Variants in NCKAP5 observed in about 807,000 individuals in gnomAD.
The protein encoded by NCKAP5 is NCK associated protein 5, also known as nck-associated protein 5.
NCKAP5 carries 92 observed loss-of-function variants against 167.0 expected under a neutral mutation model. The ratio of observed to expected loss-of-function variants is 0.55; its 90% CI spans 0.47 to 0.66. The LOEUF (loss-of-function observed/expected upper bound fraction) is 0.66. NCKAP5 is among the 30% of genes least tolerant of loss of function. The pLI is 0.00. For missense variants in NCKAP5, 2,378 were observed against 2,315.0 expected, an observed-to-expected ratio of 1.03 and a Z score of -0.56; for synonymous variants, 891 against 877.4, an observed-to-expected ratio of 1.02 and a Z score of -0.27.
intron 4 of NCKAP5, among the ~76,000 whole-genome samples, 193 bp downstream of exon 4, chr2:133,302,836 CAAGCAAGG>C (rs1393632016): frequency 3.3e-5 from 5 of 151,364 alleles, no homozygotes; most frequent in Non-Finnish European, 7.4e-5. Flanking sequence ...AATCTTGAAG[CAAGCAAGG>C]ATCAAATAAT....
intron 11 of NCKAP5, among the ~76,000 whole-genome samples, chr2:132,851,216 A>G (rs6712172): frequency 0.047 from 7,122 of 152,166 alleles, 372 homozygotes; most frequent in African/African-American, 0.12. Flanking sequence ...ACAAAAGTGC[A>G]CTATCATCTC....
At chr2:133,336,712 A>T (rs1559394770) in intron 3 of NCKAP5, among the ~76,000 whole-genome samples, 1 of 152,196 alleles carries the variant, frequency 6.6e-6, no homozygotes, top group Admixed American at 6.5e-5. Flanking sequence ...GAAAATGGGA[A>T]ATTTTGAATA....
rs575647510 is a variant in NCKAP5, at chr2:132,773,493, C to T, written c.5128+323G>A. 9.2e-5 allele frequency among the ~76,000 whole-genome samples: 14 copies of T among 152,330 alleles called. No individual in the cohort carries two copies. In the South Asian group the frequency reaches 1.7e-3, roughly 18 times the overall value. ...AATATTTCATTTAAGAAAGCCACCA[C>T]CTACACTTCTAACCACTAGGTGTTC... On this transcript the variant is annotated intron_variant, in intron 16 of 19. Coordinates refer to ENST00000409261, the MANE Select transcript of NCKAP5 (RefSeq NM_207363.3).
chr2:133,502,888 G>A (rs78015341), intron 3 of NCKAP5, among the ~76,000 whole-genome samples: 9,962 of 152,242 alleles, frequency 0.065, 365 homozygotes, highest in South Asian at 0.16. Context: ...GGAGTGAGGT[G>A]GCTCCCTGCA....
At chr2:133,198,759 G>T (rs1420803100) in intron 5 of NCKAP5, among the ~76,000 whole-genome samples, 41 of 152,090 alleles carry the variant, frequency 2.7e-4, no homozygotes, top group Non-Finnish European at 4.4e-5. Flanking sequence ...GTCACTGGAG[G>T]TAGTGTGAGG....
At chr2:133,494,239 A>G (rs1248752223) in intron 3 of NCKAP5, among the ~76,000 whole-genome samples, 1 of 152,212 alleles carries the variant, frequency 6.6e-6, no homozygotes, top group African/African-American at 2.4e-5. Flanking sequence ...GCCAAAAACC[A>G]TACAGGCTTA....
At chr2:133,590,664 G>A in the NCKAP5 span, among the ~76,000 whole-genome samples, 1 of 152,130 alleles carries the variant, frequency 6.6e-6, no homozygotes, top group East Asian at 1.9e-4. Context: ...GTTACTCACG[G>A]GTGAATTCTC....
chr2:133,432,370 C>G (rs1372357940), intron 3 of NCKAP5, among the ~76,000 whole-genome samples: 1 of 152,158 alleles, frequency 6.6e-6, no homozygotes, highest in Non-Finnish European at 1.5e-5. Flanking sequence ...CAAAAAGACT[C>G]AGTTGAGTTT....
At chr2:132,924,604 A>G (rs896029265) in intron 8 of NCKAP5, among the ~76,000 whole-genome samples, 1 of 152,214 alleles carries the variant, frequency 6.6e-6, no homozygotes, top group Non-Finnish European at 1.5e-5. Flanking sequence ...AAACAGGCAT[A>G]ATTGGTGCAA....
At chr2:133,584,578 A>G in the NCKAP5 span, among the ~76,000 whole-genome samples, 3 of 152,270 alleles carry the variant, frequency 2.0e-5, no homozygotes, top group South Asian at 6.2e-4. Context: ...CAGCCTGGCC[A>G]ACATGGTCAG....
chr2:133,160,665 A>T (rs890064925), intron 5 of NCKAP5, among the ~76,000 whole-genome samples: 3 of 152,096 alleles, frequency 2.0e-5, no homozygotes, highest in African/African-American at 7.2e-5. Context: ...CTCTTCAGCC[A>T]GTAATTTACC....
intron 2 of NCKAP5, among the ~76,000 whole-genome samples, chr2:133,531,084 G>T (rs1039667904): frequency 6.6e-6 from 1 of 151,754 alleles, no homozygotes; most frequent in Non-Finnish European, 1.5e-5. Flanking sequence ...AATTAATTTG[G>T]GTCACTGTGT....
chr2:132,927,953 T>C (rs1696043104), intron 8 of NCKAP5, among the ~76,000 whole-genome samples: 1 of 152,202 alleles, frequency 6.6e-6, no homozygotes, highest in East Asian at 1.9e-4. Flanking sequence ...TGTTGACTCA[T>C]AATTGTTTTC....
chr2:133,394,491 C>T (rs1033949280), intron 3 of NCKAP5, among the ~76,000 whole-genome samples: 3 of 152,156 alleles, frequency 2.0e-5, no homozygotes, highest in Admixed American at 6.5e-5. Flanking sequence ...AGACCTAGAA[C>T]CAGCAAGAAC....
intron 6 of NCKAP5, among the ~76,000 whole-genome samples, chr2:133,089,109 A>T (rs773908386): frequency 2.0e-5 from 3 of 152,216 alleles, no homozygotes; most frequent in Admixed American, 6.5e-5. Context: ...AAGTCTTAAC[A>T]TTATACCTTG....
chr2:133,334,551 G>A lies in NCKAP5; in HGVS notation c.70-31441C>T, dbSNP rs371890510. ...TGGCAAAGTGGAGATTCAAGACCAC[G>A]ACTGTCCAGCTCCCAAGTTCATGCT... On this transcript the variant is annotated intron_variant, in intron 3 of 19. Coordinates refer to ENST00000409261, the MANE Select transcript of NCKAP5 (RefSeq NM_207363.3). Among the ~76,000 whole-genome samples, 5 of 152,236 alleles carry A rather than the reference G, an allele frequency of 3.3e-5. No individual in the cohort carries two copies. In the East Asian group the frequency reaches 9.6e-4, roughly 29 times the overall value.
chr2:133,211,558 T>C (rs1358253430), intron 5 of NCKAP5, among the ~76,000 whole-genome samples: 2 of 152,206 alleles, frequency 1.3e-5, no homozygotes. Context: ...CCTGCTCTTT[T>C]ATTTTCTCAT....
chr2:133,508,161 T>C (rs998193028), intron 3 of NCKAP5, among the ~76,000 whole-genome samples: 1 of 152,184 alleles, frequency 6.6e-6, no homozygotes, highest in Non-Finnish European at 1.5e-5. Flanking sequence ...TAGACCTTGC[T>C]TAGGGTCTTG....
chr2:133,305,180 G>C (rs1328656355), intron 3 of NCKAP5, among the ~76,000 whole-genome samples: 1 of 152,174 alleles, frequency 6.6e-6, no homozygotes, highest in East Asian at 1.9e-4. Flanking sequence ...TTAGAAAGCA[G>C]CTTGGACTTG....
Sources: gnomAD v4.1 joint callset for allele counts (sites outside exome capture counted in the v4.1 genomes callset) on GRCh38, gnomAD v4.1.1 for gene constraint, MANE v1.5 for transcripts, NCBI Gene and HGNC (gene_info 2026-07-23, HGNC 2026-07-21) for gene names.